The following MCRS1 variants were observed in gnomAD, a reference collection of about 807,000 sequenced individuals.
The protein encoded by MCRS1 is microspherule protein 1, also known as 58 kDa microspherule protein.
MCRS1 carries 22 observed loss-of-function variants against 62.9 expected under a neutral mutation model. The observed-to-expected ratio is 0.35, with a 90% CI of 0.25 to 0.50. The LOEUF is 0.50. MCRS1 is among the 20% of genes least tolerant of loss of function. The pLI, the probability that MCRS1 is intolerant of heterozygous loss-of-function variation, is 0.98. For missense variants in MCRS1, 456 were observed against 601.1 expected, an observed-to-expected ratio of 0.76 and a Z score of 2.52; for synonymous variants, 244 against 233.5, an observed-to-expected ratio of 1.04 and a Z score of -0.41.
At chr12:49,565,494 C>T (rs757978476) in intron 4 of MCRS1, 35 bp downstream of exon 4, 2 of 1,550,174 alleles carry the variant, frequency 1.3e-6, no homozygotes, top group Admixed American at 3.9e-5. Context: ...AAATCTGGCA[C>T]TACCTCCCAT....
rs752931323 is a variant in MCRS1, at chr12:49,566,745, C to A, written c.-14G>T. On this transcript the variant is annotated 5_prime_UTR_variant, in exon 2 of 15. Transcript: ENST00000343810. ...ACCTTTGTCCATCCTCTTACAGTCCCAAAGCCACTGGTTCCAAACCACCGG... is the reference window on the plus strand; with the variant it reads ...ACCTTTGTCCATCCTCTTACAGTCCAAAAGCCACTGGTTCCAAACCACCGG... 2 of 1,613,608 alleles carry A rather than the reference C, an allele frequency of 1.2e-6. No individual in the cohort carries two copies. Among genetic ancestry groups the A allele is most frequent in the Non-Finnish European group, 1.7e-6 (2 of 1,179,824 alleles).
Position 49,563,080 on chromosome 12 carries a change from G to C in MCRS1, c.726C>G (p.Phe242Leu). 1 of 1,571,720 alleles carries C rather than the reference G, an allele frequency of 6.4e-7. No individual in the cohort carries two copies. Among genetic ancestry groups the C allele is most frequent in the Non-Finnish European group, 8.6e-7 (1 of 1,156,514 alleles). Residue 242 changes from phenylalanine to leucine, a missense_variant, in exon 8 of 15, where the codon TTC becomes TTG. This residue lies in a region of MCRS1 where 393 missense variants were observed against 523.5 expected (regional missense o/e 0.75). Coordinates refer to ENST00000343810, the MANE Select transcript of MCRS1 (RefSeq NM_006337.5). ...GGGCCTTCGCGGTACGGGCCAGGTA[G>C]AAGGCATCAGGGTGTCTGTGCAGCA... Reference protein sequence around the residue: ...QDLLHRHPDAFYLARTAKALQ... With the variant: ...QDLLHRHPDALYLARTAKALQ...
chr12:49,564,078 C>A (rs1565791939), intron 6 of MCRS1, among the ~76,000 whole-genome samples: 1 of 152,136 alleles, frequency 6.6e-6, no homozygotes, highest in Non-Finnish European at 1.5e-5. Flanking sequence ...TAGAAGGGGG[C>A]TTGGTGTTCT....
At position 49,566,061 on chromosome 12, in the gene MCRS1, T is replaced by A; in HGVS notation, c.149+16A>T. ...TCTACCCTTTCCCAGTTCCTGGCCC[T>A]CCGAACCCTTACTACCTGGAGGAGC... is the stretch of plus-strand genomic sequence containing the variant. On this transcript the variant is annotated intron_variant, in intron 3 of 14. Transcript: ENST00000343810. 2 of 1,610,960 alleles carry A rather than the reference T, an allele frequency of 1.2e-6. No homozygotes were observed. The highest frequency in any genetic ancestry group is 2.2e-5 in the South Asian group (2 of 90,748).
chr12:49,562,864 ATG>A, intron 8 of MCRS1, 135 bp downstream of exon 8: 1 of 1,152,774 alleles, frequency 8.7e-7, no homozygotes, highest in Non-Finnish European at 1.2e-6. Flanking sequence ...TTTTTTTGCA[ATG>A]TGAGGTGAAC....
intron 8 of MCRS1, 89 bp from the exon 9 acceptor site, chr12:49,560,459 G>T: frequency 1.7e-6 from 2 of 1,205,496 alleles, no homozygotes; most frequent in South Asian, 1.2e-5. Flanking sequence ...ACCAGCTGCA[G>T]ACTGCGCTGG....
In MCRS1 at chr12:49,564,533, G is replaced by A. The variant is rs544187030; in HGVS notation, c.505C>T (p.Arg169Trp). 12 of 1,613,108 alleles carry A rather than the reference G, an allele frequency of 7.4e-6. No individual in the cohort carries two copies. Among genetic ancestry groups the A allele is most frequent in the African/African-American group, 2.7e-5 (2 of 74,902 alleles). Reference protein sequence around the residue: ...GVKFSCRFTLREVQERWYALL... With the variant: ...GVKFSCRFTLWEVQERWYALL... ...GCGTACCAACGCTCCTGGACCTCCC[G>A]AAGGGTGAAGCGGCAGCTGAATTTC... Residue 169 changes from arginine (R) to tryptophan (W), a missense_variant, in exon 6 of 15, where the codon CGG becomes TGG. By Grantham distance (101) the Arg-to-Trp change is moderately radical (BLOSUM62 -3). Transcript: ENST00000343810.
At chr12:49,565,993 C>A in intron 3 of MCRS1, 84 bp downstream of exon 3, 8 of 1,535,122 alleles carry the variant, frequency 5.2e-6, no homozygotes, top group Non-Finnish European at 7.0e-6. Flanking sequence ...GGCAGCCATT[C>A]CCAACAGATG....
rs138160161 is a variant in MCRS1, at chr12:49,564,508, G to A, written c.530C>T (p.Ala177Val). 43 of 1,613,318 alleles carry A rather than the reference G, an allele frequency of 2.7e-5. No individual in the cohort carries two copies. In the African/African-American group the frequency reaches 4.8e-4, roughly 18 times the overall value. ...TLREVQERWYALLYDPVISKL... is the reference protein window; with the variant it reads ...TLREVQERWYVLLYDPVISKL... ...GGAGATGACAGGATCGTAGAGCAGG[G>A]CGTACCAACGCTCCTGGACCTCCCG... The change falls in exon 6 of 15, where the codon GCC (alanine) becomes GTC (valine). Residue 177 changes from alanine to valine, a missense_variant. By Grantham distance (64) the Ala-to-Val change is moderately conservative. Around this residue, in one of 3 missense-constraint regions of MCRS1, gnomAD observed 393 missense variants for 523.5 expected, o/e 0.75. Coordinates refer to ENST00000343810, the MANE Select transcript of MCRS1 (RefSeq NM_006337.5).
chr12:49,558,789 T>C, intron 14 of MCRS1, 54 bp downstream of exon 14: 1 of 1,613,584 alleles, frequency 6.2e-7, no homozygotes, highest in Non-Finnish European at 8.5e-7. Flanking sequence ...GTTGGTGTAC[T>C]GGCTCACCAC....
Position 49,558,843 on chromosome 12 carries a change from C to T in MCRS1, c.1302G>A (p.Glu434=). The change falls in exon 14 of 15, where the codon GAG becomes GAA. Residue 434 remains glutamate (E), a splice_region_variant and synonymous_variant. Coordinates refer to ENST00000343810, the MANE Select transcript of MCRS1 (RefSeq NM_006337.5). ...KWRLSNNSVV[E]IASLRFVFLI... ...CCTTCCTGCCTCCTCCCCAGCTCAC[C>T]TCCACCACAGAGTTGTTGCTGAGGC... 1 of 1,613,216 alleles carries T rather than the reference C, an allele frequency of 6.2e-7. No individual in the cohort carries two copies. The highest frequency in any genetic ancestry group is 1.1e-5 in the South Asian group (1 of 91,078).
Position 49,558,679 on chromosome 12 carries a change from G to A in MCRS1, c.1353C>T (p.Leu451=). 2.5e-6 allele frequency: 4 copies of A among 1,613,846 alleles called. No individual in the cohort carries two copies. Among genetic ancestry groups the A allele is most frequent in the Non-Finnish European group, 3.4e-6 (4 of 1,180,024 alleles). ...TGATCTTGGCAGCCTCAGCCCTGAT[G>A]AGGGCAATGAGGTCCTGGTTGATAA... The part of the protein sequence containing the change: ...VFLINQDLIA[L]IRAEAAKITP... Residue 451 remains leucine (L), a synonymous_variant, in exon 15 of 15, where the codon CTC becomes CTT. Transcript: ENST00000343810.
In MCRS1 at chr12:49,563,488, T is replaced by C; in HGVS notation, c.616A>G (p.Lys206Glu). The change falls in exon 7 of 15, where the codon AAG becomes GAG. Residue 206 changes from lysine to glutamate, a missense_variant. Around this residue, in one of 3 missense-constraint regions of MCRS1, gnomAD observed 393 missense variants for 523.5 expected, o/e 0.75. Coordinates refer to ENST00000343810, the MANE Select transcript of MCRS1 (RefSeq NM_006337.5). ...TCCTCAGCCTTGCTAAACAGGGCCT[T>C]GCTCTGGATGGCTGCAATAGCCTCT... Reference protein sequence around the residue: ...HPEAIAAIQSKALFSKAEEQL... With the variant: ...HPEAIAAIQSEALFSKAEEQL... 6.2e-7 allele frequency: 1 copy of C among 1,612,906 alleles called. No individual in the cohort carries two copies. The highest frequency in any genetic ancestry group is 2.2e-5 in the East Asian group (1 of 44,886).
intron 7 of MCRS1, 61 bp from the exon 8 acceptor site, chr12:49,563,200 A>G (rs1269557781): frequency 6.5e-7 from 1 of 1,538,562 alleles, no homozygotes; most frequent in African/African-American, 1.4e-5. Context: ...TCTCTGCCTT[A>G]CCATCTCTAC....
intron 1 of MCRS1, among the ~76,000 whole-genome samples, chr12:49,567,259 A>T (rs1281688111): frequency 6.6e-6 from 1 of 151,996 alleles, no homozygotes. Context: ...AAAGAAAGGG[A>T]GACAAAACTC....
In MCRS1 at chr12:49,566,062, C is replaced by G. The variant is rs1181085678; in HGVS notation, c.149+15G>C. On this transcript the variant is annotated intron_variant, in intron 3 of 14. Coordinates refer to ENST00000343810, the MANE Select transcript of MCRS1 (RefSeq NM_006337.5). ...CTACCCTTTCCCAGTTCCTGGCCCT[C>G]CGAACCCTTACTACCTGGAGGAGCT... is the stretch of plus-strand genomic sequence containing the variant. The G allele has an allele frequency of 6.2e-7, 1 of 1,610,930 alleles. No individual in the cohort carries two copies. The highest frequency in any genetic ancestry group is 1.3e-5 in the African/African-American group (1 of 74,798).
chr12:49,563,160 T>C (rs1938863855), intron 7 of MCRS1, 21 bp from the exon 8 acceptor site: 1 of 1,552,088 alleles, frequency 6.4e-7, no homozygotes, highest in Non-Finnish European at 8.7e-7. Flanking sequence ...AGAAACATTC[T>C]CTAGGCATCT....
chr12:49,566,145 T>C lies in MCRS1; in HGVS notation c.81A>G (p.Ser27=). Residue 27 remains serine, a synonymous_variant, in exon 3 of 15, where the codon TCA becomes TCG. Transcript: ENST00000343810. ...GTASRSEDEE[S]LAGQKRASSQ... ...AGGAGGCTCGCTTCTGCCCTGCCAG[T>C]GACTCCTCATCCTCTGAGCGGCTGG... 6.2e-7 allele frequency: 1 copy of C among 1,614,218 alleles called. No homozygotes were observed. Among genetic ancestry groups the C allele is most frequent in the Non-Finnish European group, 8.5e-7 (1 of 1,180,022 alleles).
chr12:49,561,683 G>A (rs1209666391), intron 8 of MCRS1, among the ~76,000 whole-genome samples: 1 of 152,192 alleles, frequency 6.6e-6, no homozygotes, highest in African/African-American at 2.4e-5. Context: ...CAGCTGGAGT[G>A]CAGTAGCGCG....
Sources: gnomAD v4.1 joint callset for allele counts (sites outside exome capture counted in the v4.1 genomes callset) on GRCh38, gnomAD v4.1.1 for gene constraint, gnomAD v4.1.1 regional missense constraint, MANE v1.5 for transcripts, NCBI Gene and HGNC (gene_info 2026-07-23, HGNC 2026-07-21) for gene names.